PDE12: variants seen among roughly 807,000 people sequenced by gnomAD.
The protein encoded by PDE12 is phosphodiesterase 12, also known as 2',5'-phosphodiesterase 12.
In PDE12, 26 loss-of-function variants were observed where a neutral mutation model predicts 45.4. That is an observed-to-expected ratio of 0.57 (90% CI 0.42 to 0.79). The LOEUF is 0.79. Ranked by LOEUF, PDE12 falls within the 30% of genes least tolerant of loss-of-function variation. PDE12 has a pLI of 0.00. For synonymous variants in PDE12, 283 were observed against 323.9 expected, an observed-to-expected ratio of 0.87 and a Z score of 1.36; for missense variants, 668 against 790.0, an observed-to-expected ratio of 0.85 and a Z score of 1.85.
chr3:57,559,387 A>C lies in PDE12; in HGVS notation c.1386A>C (p.Lys462Asn), dbSNP rs771730428. Residue 462 changes from lysine (K) to asparagine (N), a missense_variant and splice_region_variant, in exon 2 of 3, where the codon AAA (lysine) becomes AAC (asparagine). Around this residue, in one of 3 missense-constraint regions of PDE12, gnomAD observed 580 missense variants for 662.9 expected, o/e 0.87. Coordinates refer to ENST00000311180, the MANE Select transcript of PDE12 (RefSeq NM_177966.7). ...ATACCCATCTTTACTGGCATCCTAA[A>C]GGTAGGTTTTATTTGGTATCACAAG... ...VANTHLYWHP[K>N]GGYIRLIQMA... 3.1e-6 allele frequency: 5 copies of C among 1,608,744 alleles called. No individual in the cohort carries two copies. The African/African-American group carries it at 6.7e-5, about 22-fold the overall frequency.
At chr3:57,596,772 G>A in the PDE12 span, 78 of 319,716 alleles carry the variant, frequency 2.4e-4, 1 homozygote, top group South Asian at 2.3e-3. Flanking sequence ...TCCCAGAGTT[G>A]GCTTTCCCCA....
Position 57,556,969 on chromosome 3 carries a change from G to T in PDE12, c.590G>T (p.Trp197Leu). Reference sequence around the variant, plus strand: ...GATCCCGCCAGCTCCCTTTTCCGCTGGTATAAGGAAGCCAAGCCCGGAGCG... The same window carrying T: ...GATCCCGCCAGCTCCCTTTTCCGCTTGTATAAGGAAGCCAAGCCCGGAGCG... ...FGDPASSLFR[W>L]YKEAKPGAAE... Residue 197 changes from tryptophan (W) to leucine (L), a missense_variant, in exon 1 of 3, where the codon TGG becomes TTG. Trp to Leu is a moderately conservative substitution (Grantham distance 61). Coordinates refer to ENST00000311180, the MANE Select transcript of PDE12 (RefSeq NM_177966.7). The surrounding 1 kb of genome is among the most constrained non-coding windows in gnomAD (Gnocchi z 5.0). 2 of 1,614,202 alleles carry T rather than the reference G, an allele frequency of 1.2e-6. No homozygotes were observed. The highest frequency in any genetic ancestry group is 1.7e-6 in the Non-Finnish European group (2 of 1,180,040).
chr3:57,589,323 G>A, the PDE12 span, among the ~76,000 whole-genome samples: 48 of 152,198 alleles, frequency 3.2e-4, no homozygotes, highest in African/African-American at 1.1e-3. Context: ...AGCTACGTGG[G>A]AGGCTGAGGC....
chr3:57,577,863 G>A, the PDE12 span, among the ~76,000 whole-genome samples: 1 of 151,954 alleles, frequency 6.6e-6, no homozygotes, highest in Non-Finnish European at 1.5e-5. Flanking sequence ...AGACCAGCCT[G>A]GGCAACATGG....
At position 57,556,406 on chromosome 3, in the gene PDE12, C is replaced by T. The variant is rs568307218; in HGVS notation, c.27C>T (p.Ala9=). 15 of 1,601,418 alleles carry T rather than the reference C, an allele frequency of 9.4e-6. No individual in the cohort carries two copies. The highest frequency in any genetic ancestry group is 1.7e-4 in the Middle Eastern group (1 of 5,780). ...TGTGGAGGCTCCCAGGCGCCCGCGC[C>T]GCGCTTCGGGTGATCCGGACGGCGG... MWRLPGAR[A]ALRVIRTAVE... is the part of the protein sequence containing the mutation. The change falls in exon 1 of 3, where the codon GCC becomes GCT. Residue 9 remains alanine (A), a synonymous_variant. Coordinates refer to ENST00000311180, the MANE Select transcript of PDE12 (RefSeq NM_177966.7). This position sits in a 1 kb window ranked among gnomAD's most constrained non-coding sequence, Gnocchi z 5.0.
the PDE12 span, among the ~76,000 whole-genome samples, chr3:57,636,364 T>A: frequency 5.2e-4 from 79 of 152,312 alleles, no homozygotes; most frequent in Middle Eastern, 0.031. Flanking sequence ...AAAAGCAGTA[T>A]CATGGATACA....
At chr3:57,584,256 C>T in the PDE12 span, 1 of 968,090 alleles carries the variant, frequency 1.0e-6, no homozygotes, top group Non-Finnish European at 1.6e-6. Context: ...AGCCACCACA[C>T]CCGGCCTGTT....
chr3:57,644,518 G>A, the PDE12 span, among the ~76,000 whole-genome samples: 1,017 of 150,908 alleles, frequency 6.7e-3, 14 homozygotes, highest in African/African-American at 0.023. Flanking sequence ...ATGTTGCCCA[G>A]GCTGGTCTCT....
the PDE12 span, among the ~76,000 whole-genome samples, chr3:57,603,861 A>G: frequency 6.6e-6 from 1 of 151,692 alleles, no homozygotes; most frequent in South Asian, 2.1e-4. Flanking sequence ...ACCTCAGGTG[A>G]TCCACCCATC....
the PDE12 span, among the ~76,000 whole-genome samples, chr3:57,595,953 A>C: frequency 7.1e-6 from 1 of 140,248 alleles, no homozygotes; most frequent in African/African-American, 2.7e-5. Flanking sequence ...CTCCGTCTGC[A>C]AAAAAAAAAA....
chr3:57,596,371 G>A, the PDE12 span, among the ~76,000 whole-genome samples: 1 of 152,156 alleles, frequency 6.6e-6, no homozygotes. Flanking sequence ...AAAAACCTAG[G>A]AGAATAAACC....
At chr3:57,630,346 A>G in the PDE12 span, 2 of 1,329,876 alleles carry the variant, frequency 1.5e-6, no homozygotes, top group Admixed American at 2.8e-5. Flanking sequence ...AAAGGGTACA[A>G]TCTTCAACTT....
the PDE12 span, among the ~76,000 whole-genome samples, chr3:57,584,956 C>T: frequency 2.6e-5 from 4 of 152,026 alleles, no homozygotes; most frequent in Admixed American, 1.3e-4. Flanking sequence ...CTCCACCTCC[C>T]GGGTTCGAGC....
At chr3:57,632,021 C>CT in the PDE12 span, among the ~76,000 whole-genome samples, 19,294 of 95,904 alleles carry the variant, frequency 0.2, 2,335 homozygotes, top group East Asian at 0.48. Flanking sequence ...CGCGCCCGGC[C>CT]TTTTTTTTTT....
the PDE12 span, among the ~76,000 whole-genome samples, chr3:57,632,530 T>C: frequency 5.3e-5 from 8 of 152,280 alleles, no homozygotes; most frequent in Admixed American, 5.2e-4. Context: ...ACAAATAGAT[T>C]TAATGGAATA....
downstream of PDE12, among the ~76,000 whole-genome samples, chr3:57,570,895 G>A (rs568371442): frequency 6.6e-6 from 1 of 152,144 alleles, no homozygotes; most frequent in Non-Finnish European, 1.5e-5. Flanking sequence ...ATACATACAT[G>A]CTTTTTGGGC....
At chr3:57,607,654 C>T in the PDE12 span, among the ~76,000 whole-genome samples, 3 of 152,024 alleles carry the variant, frequency 2.0e-5, no homozygotes, top group East Asian at 5.8e-4. Flanking sequence ...TGGAAGATCA[C>T]ATGAATGAAA....
At chr3:57,584,715 G>A in the PDE12 span, among the ~76,000 whole-genome samples, 4 of 152,210 alleles carry the variant, frequency 2.6e-5, no homozygotes, top group African/African-American at 9.6e-5. Flanking sequence ...GCTGACTTAG[G>A]CTCTAATCTC....
chr3:57,604,935 ATAAC>A, the PDE12 span, among the ~76,000 whole-genome samples: 6 of 152,232 alleles, frequency 3.9e-5, no homozygotes, highest in African/African-American at 1.4e-4. Context: ...TTAAAACAAA[ATAAC>A]TAACTAAATT....
Sources: gnomAD v4.1 joint callset for allele counts (sites outside exome capture counted in the v4.1 genomes callset) on GRCh38, gnomAD v4.1.1 for gene constraint, gnomAD v4.1.1 regional missense constraint, Gnocchi (gnomAD v3.1) non-coding constraint, MANE v1.5 for transcripts, NCBI Gene and HGNC (gene_info 2026-07-23, HGNC 2026-07-21) for gene names.